The following DNAH3 variants were observed in gnomAD, a reference collection of about 807,000 sequenced individuals.
The protein encoded by DNAH3 is axonemal beta dynein heavy chain 3.
Under a neutral mutation model 432.5 loss-of-function variants are expected in DNAH3, and 332 were observed. The ratio of observed to expected loss-of-function variants is 0.77; its 90% CI spans 0.70 to 0.84. The LOEUF (loss-of-function observed/expected upper bound fraction) is 0.84, where lower values mean the gene tolerates loss of function less well. Ranked by LOEUF, DNAH3 falls within the 40% of genes least tolerant of loss-of-function variation. DNAH3 has a pLI of 0.00. For missense variants in DNAH3, 4,861 were observed against 5,114.0 expected (o/e 0.95, Z 1.51); for synonymous variants, 1,956 against 1,900.2 (o/e 1.03, Z -0.76).
exon 48 of DNAH3, chr16:20,985,466 C>T: frequency 1.9e-6 from 3 of 1,614,182 alleles, no homozygotes; most frequent in Non-Finnish European, 2.5e-6. Context: ...TGGCCTTTGT[C>T]CTGCTTCAGG....
chr16:21,125,298 G>A, exon 9 of DNAH3: 1 of 1,613,674 alleles, frequency 6.2e-7, no homozygotes, highest in Non-Finnish European at 8.5e-7. Flanking sequence ...TTGAGTCATA[G>A]TTGCTCTTGG....
At chr16:21,099,275 C>G (rs960143883) in intron 16 of DNAH3, among the ~76,000 whole-genome samples, 4 of 120,856 alleles carry the variant, frequency 3.3e-5, no homozygotes, top group Admixed American at 1.7e-4. Context: ...GATGGATGGA[C>G]AGATGGATGG....
chr16:21,023,786 GGTGTGT>G (rs3220045), intron 39 of DNAH3, among the ~76,000 whole-genome samples: 34 of 146,482 alleles, frequency 2.3e-4, no homozygotes, highest in East Asian at 6.0e-4. Flanking sequence ...CAGCTTTTGG[GGTGTGT>G]GTGTGTGTGT....
chr16:21,146,623 T>C (rs1171796067), intron 1 of DNAH3, among the ~76,000 whole-genome samples: 3 of 152,334 alleles, frequency 2.0e-5, no homozygotes, highest in African/African-American at 7.2e-5. Flanking sequence ...TCTACTCTCA[T>C]AGCGTTGTTC....
At chr16:21,060,506 C>CTTTTTTTCTTTT (rs1295064600) in intron 25 of DNAH3, 150 bp from the exon 26 acceptor site, 1 of 357,292 alleles carries the variant, frequency 2.8e-6, no homozygotes, top group Non-Finnish European at 4.9e-6. Context: ...TCTCCCCGTT[C>CTTTTTTTCTTTT]TTTTTTTCTT....
chr16:21,099,443 C>T (rs145346788), intron 16 of DNAH3, among the ~76,000 whole-genome samples: 66 of 152,250 alleles, frequency 4.3e-4, no homozygotes, highest in Non-Finnish European at 8.1e-4. Flanking sequence ...CTACAGTGAC[C>T]AGGAGAGACC....
intron 55 of DNAH3, 81 bp from the exon 56 acceptor site, chr16:20,952,630 C>CT (rs950333004): frequency 2.2e-6 from 2 of 891,496 alleles, no homozygotes; most frequent in Admixed American, 1.7e-5. Context: ...GGGAGTTAAG[C>CT]ATCATTATGG....
At chr16:21,087,225 T>C (rs79994983) in intron 18 of DNAH3, among the ~76,000 whole-genome samples, 165 bp from the exon 19 acceptor site, 6,683 of 152,260 alleles carry the variant, frequency 0.044, 215 homozygotes, top group East Asian at 0.18. Flanking sequence ...ACCTTAGATA[T>C]GATACAGGAC....
rs776705048 is a variant in DNAH3, at chr16:21,097,528, G to T, written c.2521-29C>A. ...CAGGGCAAAAGGAGATGCTGTTTAT[G>T]GGATGGGTTGTTCTCCTAAGCCCTC... On this transcript the variant is annotated intron_variant, in intron 17 of 61. Coordinates refer to ENST00000261383, the Ensembl canonical transcript of DNAH3. The T allele has an allele frequency of 5.6e-6, 9 of 1,609,524 alleles. No homozygotes were observed. In the African/African-American group the frequency reaches 1.2e-4, roughly 21 times the overall value.
intron 12 of DNAH3, among the ~76,000 whole-genome samples, chr16:21,113,485 G>C (rs2092119531): frequency 6.7e-6 from 1 of 149,246 alleles, no homozygotes; most frequent in Non-Finnish European, 1.5e-5. Flanking sequence ...TTTTGAGATA[G>C]ACTCTCACTG....
exon 15 of DNAH3, chr16:21,106,548 C>A: frequency 6.2e-7 from 1 of 1,611,994 alleles, no homozygotes; most frequent in African/African-American, 1.3e-5. Flanking sequence ...CTCTAAGTTG[C>A]CTCCTGAGTT....
intron 16 of DNAH3, among the ~76,000 whole-genome samples, chr16:21,100,563 G>A (rs775484710): frequency 1.3e-5 from 2 of 152,216 alleles, no homozygotes; most frequent in African/African-American, 2.4e-5. Flanking sequence ...GAAACACAAT[G>A]TCGGGTGCTC....
At chr16:21,041,372 A>C (rs1195044125) in intron 32 of DNAH3, among the ~76,000 whole-genome samples, 2 of 151,946 alleles carry the variant, frequency 1.3e-5, no homozygotes, top group African/African-American at 2.4e-5. Flanking sequence ...CTCCATCTCA[A>C]AAAAAAAGAG....
intron 17 of DNAH3, 76 bp from the exon 18 acceptor site, chr16:21,097,575 T>G (rs540398806): frequency 6.4e-7 from 1 of 1,570,856 alleles, no homozygotes; most frequent in South Asian, 1.1e-5. Flanking sequence ...GGCAAATTCC[T>G]CAGTGCCTTG....
chr16:21,052,666 G>C (rs902996721), intron 28 of DNAH3, among the ~76,000 whole-genome samples: 2 of 152,214 alleles, frequency 1.3e-5, no homozygotes, highest in Non-Finnish European at 2.9e-5. Flanking sequence ...GAGAAAGAGA[G>C]CTGTCCTTGG....
intron 43 of DNAH3, among the ~76,000 whole-genome samples, chr16:20,997,960 T>A (rs2086837331): frequency 6.6e-6 from 1 of 152,020 alleles, no homozygotes; most frequent in East Asian, 1.9e-4. Flanking sequence ...TGAGCCAAGA[T>A]TGTGCCACTG....
At chr16:20,948,777 G>T in intron 56 of DNAH3, 140 bp from the exon 57 acceptor site, 1 of 937,828 alleles carries the variant, frequency 1.1e-6, no homozygotes, top group Non-Finnish European at 1.6e-6. Flanking sequence ...GGAAAATTCC[G>T]GGCAGAAGAT....
At chr16:20,999,966 AGAAG>A (rs754394134) in intron 43 of DNAH3, among the ~76,000 whole-genome samples, 6 of 143,190 alleles carry the variant, frequency 4.2e-5, no homozygotes, top group East Asian at 2.4e-4. Flanking sequence ...AAGGAAAGAA[AGAAG>A]GAAGGAAGGA....
In DNAH3 at chr16:20,969,791, C is replaced by G. The variant is rs766867158; in HGVS notation, c.8458+1G>C. 1 of 1,614,098 alleles carries G rather than the reference C, an allele frequency of 6.2e-7. No homozygotes were observed. The highest frequency in any genetic ancestry group is 1.3e-5 in the African/African-American group (1 of 75,056). ...AGGCATCTGGGTGGGGTGGCACTTA[C>G]CGGAGCCACTGGGGTCTGGCTTCCT... On this transcript the variant is annotated splice_donor_variant, in intron 52 of 61. Coordinates refer to ENST00000261383, the Ensembl canonical transcript of DNAH3. LOFTEE classifies it high-confidence loss of function.
Sources: allele counts gnomAD v4.1 joint callset (sites outside exome capture counted in the v4.1 genomes callset), GRCh38; gene constraint gnomAD v4.1.1; transcripts MANE v1.5; gene names NCBI Gene and HGNC (gene_info 2026-07-23, HGNC 2026-07-21).